The following FAM169A variants were observed in gnomAD, a reference collection of about 807,000 sequenced individuals.
FAM169A encodes soluble lamin-associated protein of 75 kDa.
Under a neutral mutation model 75.7 loss-of-function variants are expected in FAM169A, and 24 were observed. That is an observed-to-expected ratio of 0.32 (90% confidence interval 0.23 to 0.45). The LOEUF (loss-of-function observed/expected upper bound fraction) is 0.45. Ranked by LOEUF, FAM169A falls within the 20% of genes least tolerant of loss-of-function variation. The pLI is 1.00. For synonymous variants in FAM169A, 271 were observed against 271.0 expected (o/e 1.00, Z 0.00); for missense variants, 673 against 784.0 (o/e 0.86, Z 1.69).
chr5:74,849,313 T>A (rs1357996902), intron 1 of FAM169A, among the ~76,000 whole-genome samples: 1 of 152,150 alleles, frequency 6.6e-6, no homozygotes, highest in Non-Finnish European at 1.5e-5. Context: ...TTATTGTGAT[T>A]TTTTCCCTAT....
intron 11 of FAM169A, among the ~76,000 whole-genome samples, chr5:74,793,492 G>A (rs554680567): frequency 2.0e-5 from 3 of 152,176 alleles, no homozygotes; most frequent in Non-Finnish European, 4.4e-5. Context: ...TCACTCATAA[G>A]TGGGAGCTAA....
intron 4 of FAM169A, among the ~76,000 whole-genome samples, chr5:74,838,635 C>T (rs946779979): frequency 6.6e-6 from 1 of 152,148 alleles, no homozygotes; most frequent in Non-Finnish European, 1.5e-5. Context: ...TCAGTCTCTC[C>T]TAGAGACAGA....
At chr5:74,800,081 C>G in intron 10 of FAM169A, 1 of 664,092 alleles carries the variant, frequency 1.5e-6, no homozygotes, top group Middle Eastern at 4.6e-4. Flanking sequence ...TAATTTGAAG[C>G]TGAGTGAGCC....
intron 3 of FAM169A, among the ~76,000 whole-genome samples, chr5:74,839,408 G>A (rs372566272): frequency 2.0e-5 from 3 of 151,976 alleles, no homozygotes; most frequent in South Asian, 2.1e-4. Flanking sequence ...ACACACGTGC[G>A]CACACACTCT....
chr5:74,799,185 T>C, intron 10 of FAM169A: 1 of 1,186,744 alleles, frequency 8.4e-7, no homozygotes, highest in Non-Finnish European at 1.3e-6. Context: ...CTCCCAAGCA[T>C]GACCACATCG....
chr5:74,791,057 C>T (rs2100033), intron 11 of FAM169A, among the ~76,000 whole-genome samples: 35,182 of 152,092 alleles, frequency 0.23, 4,297 homozygotes, highest in Middle Eastern at 0.3. Flanking sequence ...AAGGCACTCA[C>T]TTTACGGCAA....
intron 8 of FAM169A, 69 bp from the exon 9 acceptor site, chr5:74,801,698 A>G (rs547544870): frequency 3.4e-6 from 4 of 1,161,880 alleles, no homozygotes; most frequent in Admixed American, 4.3e-5. Context: ...TATTTCACTT[A>G]TAGTTTCAAA....
At chr5:74,784,020 A>C (rs938094874) in intron 11 of FAM169A, among the ~76,000 whole-genome samples, 1 of 152,116 alleles carries the variant, frequency 6.6e-6, no homozygotes, top group African/African-American at 2.4e-5. Flanking sequence ...TGTCTATAAA[A>C]TATCTATTTT....
At chr5:74,837,525 C>G (rs1364695860) in intron 4 of FAM169A, among the ~76,000 whole-genome samples, 9 of 152,090 alleles carry the variant, frequency 5.9e-5, no homozygotes, top group Admixed American at 5.9e-4. Context: ...TCAAAGTTCC[C>G]AACTCAAAGG....
chr5:74,848,612 A>C (rs1378815717), intron 1 of FAM169A: 1 of 152,140 alleles, frequency 6.6e-6, no homozygotes, highest in Non-Finnish European at 1.5e-5. Flanking sequence ...TAGCTTTATG[A>C]CCATAGGCAA....
At chr5:74,864,908 T>G (rs1284468216) in intron 1 of FAM169A, among the ~76,000 whole-genome samples, 1 of 152,242 alleles carries the variant, frequency 6.6e-6, no homozygotes, top group East Asian at 1.9e-4. Context: ...TGGTCCATAC[T>G]AGTCAATAAA....
In FAM169A at chr5:74,778,441, C is replaced by T. The variant is rs1002932186; in HGVS notation, c.*3019G>A. The T allele has an allele frequency of 1.3e-5, 2 of 152,130 alleles. No individual in the cohort carries two copies. Among genetic ancestry groups the T allele is most frequent in the Admixed American group, 6.5e-5 (1 of 15,278 alleles). 9.4% of individuals were successfully genotyped at this position (152,130 alleles called of 1,614,324 possible). A position where few individuals can be genotyped will look rare whatever the true frequency, so the allele number is the denominator to read the frequency against. On this transcript the variant is annotated 3_prime_UTR_variant, in exon 13 of 13. Coordinates refer to ENST00000687041, the MANE Select transcript of FAM169A (RefSeq NM_001376049.1). ...CATAAACCTTCAAGATTTCTAGTCA[C>T]TGAAACCCCATTGTAGGTAGTGTTC...
intron 11 of FAM169A, among the ~76,000 whole-genome samples, chr5:74,795,080 A>C (rs576758152): frequency 1.3e-5 from 2 of 152,252 alleles, no homozygotes; most frequent in South Asian, 4.1e-4. Context: ...CAAAGTGGTG[A>C]AACCCCGTCT....
chr5:74,823,667 G>A (rs925746675), intron 5 of FAM169A, among the ~76,000 whole-genome samples: 2 of 152,100 alleles, frequency 1.3e-5, no homozygotes, highest in Non-Finnish European at 2.9e-5. Flanking sequence ...GCAAGCAAGT[G>A]GTTTTTCAGA....
chr5:74,839,129 A>C (rs1748720148), intron 3 of FAM169A, 79 bp from the exon 4 acceptor site: 1 of 957,404 alleles, frequency 1.0e-6, no homozygotes, highest in South Asian at 1.3e-5. Flanking sequence ...TTGTACTATA[A>C]AGTATCCATA....
chr5:74,866,868 A>T, upstream of FAM169A: 8 of 985,478 alleles, frequency 8.1e-6, no homozygotes, highest in South Asian at 3.8e-4. Context: ...TGCAGAGGGC[A>T]CGGGCGAGGA....
chr5:74,865,163 T>G (rs1379587970), intron 1 of FAM169A, among the ~76,000 whole-genome samples: 1 of 152,236 alleles, frequency 6.6e-6, no homozygotes, highest in African/African-American at 2.4e-5. Context: ...TCGTAAGTAG[T>G]AATTCGCAAG....
intron 11 of FAM169A, among the ~76,000 whole-genome samples, chr5:74,786,985 G>A (rs895335736): frequency 1.3e-5 from 2 of 152,090 alleles, no homozygotes; most frequent in Non-Finnish European, 2.9e-5. Flanking sequence ...CCCAGTAGTG[G>A]TAACATCACC....
chr5:74,828,997 T>C lies in FAM169A; in HGVS notation c.490+5429A>G, dbSNP rs957519483. The stretch of plus-strand genomic sequence containing the variant: ...TGAGAAAAGTTTGCAAGAGTACATG[T>C]ATGACTTATACAGACTTTGAATACA... On this transcript the variant is annotated intron_variant, in intron 5 of 12. Transcript: ENST00000687041. Among the ~76,000 whole-genome samples, 5 of 152,342 alleles carry C rather than the reference T, an allele frequency of 3.3e-5. No homozygotes were observed. In the South Asian group the frequency reaches 1.0e-3, roughly 32 times the overall value.
Sources: gnomAD v4.1 joint callset for allele counts (sites outside exome capture counted in the v4.1 genomes callset) on GRCh38, gnomAD v4.1.1 for gene constraint, MANE v1.5 for transcripts, NCBI Gene and HGNC (gene_info 2026-07-23, HGNC 2026-07-21) for gene names.